NFIL3: variants seen among roughly 807,000 people sequenced by gnomAD.
NFIL3 encodes nuclear factor interleukin-3-regulated protein.
Under a neutral mutation model 10.0 loss-of-function variants are expected in NFIL3, and 5 were observed. The ratio of observed to expected loss-of-function variants is 0.50; its 90% CI spans 0.26 to 1.06. The LOEUF is 1.06. Ranked by LOEUF, NFIL3 falls within the 50% of genes least tolerant of loss-of-function variation. The pLI, the probability that NFIL3 is intolerant of heterozygous loss-of-function variation, is 0.13. For synonymous variants in NFIL3, 202 were observed against 206.5 expected (o/e 0.98, Z 0.19); for missense variants, 436 against 547.6 (o/e 0.80, Z 2.03).
the NFIL3 span, among the ~76,000 whole-genome samples, chr9:91,446,228 C>T: frequency 6.6e-6 from 1 of 152,166 alleles, no homozygotes; most frequent in Non-Finnish European, 1.5e-5. Flanking sequence ...GAGAAAGTCT[C>T]TCCTGGTTAT....
upstream of NFIL3, among the ~76,000 whole-genome samples, chr9:91,428,600 A>G (rs993225381): frequency 2.0e-5 from 3 of 152,248 alleles, no homozygotes; most frequent in African/African-American, 7.2e-5. Context: ...AATGTTTCCT[A>G]TTAAGCAGCT....
chr9:91,420,352 T>TATAC (rs1833737481), intron 1 of NFIL3, among the ~76,000 whole-genome samples: 1 of 144,394 alleles, frequency 6.9e-6, no homozygotes, highest in South Asian at 2.3e-4. Context: ...TGAAGGTAAA[T>TATAC]ACACACACAC....
the NFIL3 span, among the ~76,000 whole-genome samples, chr9:91,430,786 C>T: frequency 2.0e-5 from 3 of 152,222 alleles, no homozygotes; most frequent in East Asian, 5.8e-4. Flanking sequence ...GCTAGCACTA[C>T]AGGTGCATGC....
the NFIL3 span, among the ~76,000 whole-genome samples, chr9:91,436,324 T>C: frequency 6.6e-6 from 1 of 152,152 alleles, no homozygotes; most frequent in Non-Finnish European, 1.5e-5. Flanking sequence ...ACGCCTGTAA[T>C]CCCAGCACTT....
the NFIL3 span, among the ~76,000 whole-genome samples, chr9:91,432,080 C>A: frequency 6.6e-6 from 1 of 152,176 alleles, no homozygotes; most frequent in Non-Finnish European, 1.5e-5. Context: ...CTCACACAAG[C>A]ACAGAGGGCC....
chr9:91,421,231 C>A (rs1160240621), intron 1 of NFIL3, among the ~76,000 whole-genome samples: 2 of 140,994 alleles, frequency 1.4e-5, no homozygotes, highest in Non-Finnish European at 3.2e-5. Flanking sequence ...CTGCCCCGTG[C>A]GGGAGCCGGG....
chr9:91,415,520 C>T (rs973342228), intron 1 of NFIL3, among the ~76,000 whole-genome samples: 1 of 152,212 alleles, frequency 6.6e-6, no homozygotes. Flanking sequence ...GTCTCATTTA[C>T]ACACAGTTCT....
chr9:91,462,989 T>C, the NFIL3 span, among the ~76,000 whole-genome samples: 3 of 152,020 alleles, frequency 2.0e-5, no homozygotes, highest in African/African-American at 7.2e-5. Context: ...CAGAATTGTT[T>C]GAAATATTCT....
chr9:91,455,294 G>A, the NFIL3 span, among the ~76,000 whole-genome samples: 2 of 152,156 alleles, frequency 1.3e-5, no homozygotes, highest in African/African-American at 4.8e-5. Flanking sequence ...AAGTTTTGCT[G>A]TGGTGTTTGA....
At chr9:91,475,828 C>T in the NFIL3 span, among the ~76,000 whole-genome samples, 1 of 152,146 alleles carries the variant, frequency 6.6e-6, no homozygotes, top group Non-Finnish European at 1.5e-5. Context: ...ATGAATTTTC[C>T]AGTAAAATAT....
the NFIL3 span, among the ~76,000 whole-genome samples, chr9:91,465,235 A>G: frequency 4.6e-5 from 7 of 152,130 alleles, 1 homozygote; most frequent in South Asian, 2.1e-4. Flanking sequence ...TACACTGCCC[A>G]TTTTGATATT....
At chr9:91,438,707 A>G in the NFIL3 span, among the ~76,000 whole-genome samples, 3 of 152,120 alleles carry the variant, frequency 2.0e-5, no homozygotes, top group African/African-American at 7.2e-5. Context: ...ATAACAGTCC[A>G]ATTTCATTCT....
the NFIL3 span, among the ~76,000 whole-genome samples, chr9:91,458,835 G>T: frequency 6.6e-6 from 1 of 152,254 alleles, no homozygotes; most frequent in East Asian, 1.9e-4. Flanking sequence ...GGTATCACCT[G>T]AAGTTCTTGG....
In NFIL3 at chr9:91,419,788, G is replaced by C. The variant is rs1423527080; in HGVS notation, c.-173+3852C>G. On this transcript the variant is annotated intron_variant, in intron 1 of 1. Coordinates refer to ENST00000297689, the MANE Select transcript of NFIL3 (RefSeq NM_005384.3). ...CAACGATGCCTATCAGTTCCAGGCT[G>C]TTTTTGCTGCTCGTGACTCTTACTG... Among the ~76,000 whole-genome samples the C allele has an allele frequency of 6.6e-5, 10 of 152,338 alleles. No homozygotes were observed. In the East Asian group the frequency reaches 1.9e-3, roughly 29 times the overall value.
At chr9:91,439,483 T>C in the NFIL3 span, among the ~76,000 whole-genome samples, 165 of 148,320 alleles carry the variant, frequency 1.1e-3, no homozygotes, top group Non-Finnish European at 1.9e-3. Flanking sequence ...TTCTTTCCTT[T>C]CTAATTGCCT....
the NFIL3 span, among the ~76,000 whole-genome samples, chr9:91,447,365 G>A: frequency 6.6e-6 from 1 of 152,114 alleles, no homozygotes; most frequent in African/African-American, 2.4e-5. Context: ...GGAATTGCTG[G>A]TTCATATAGT....
the NFIL3 span, among the ~76,000 whole-genome samples, chr9:91,464,134 A>G: frequency 2.6e-5 from 4 of 152,040 alleles, no homozygotes; most frequent in East Asian, 5.8e-4. Context: ...TAGACCATGC[A>G]TGTTTAAAGT....
At chr9:91,439,476 T>C in the NFIL3 span, among the ~76,000 whole-genome samples, 1 of 148,158 alleles carries the variant, frequency 6.7e-6, no homozygotes, top group Non-Finnish European at 1.5e-5. Context: ...ATACTTTTTC[T>C]TTCCTTTCTA....
chr9:91,468,393 T>C, the NFIL3 span, among the ~76,000 whole-genome samples: 1 of 152,224 alleles, frequency 6.6e-6, no homozygotes, highest in Non-Finnish European at 1.5e-5. Flanking sequence ...TGTTTGTTTT[T>C]TTCTTGTAAA....
Sources: allele counts gnomAD v4.1 joint callset (sites outside exome capture counted in the v4.1 genomes callset), GRCh38; gene constraint gnomAD v4.1.1; transcripts MANE v1.5; gene names NCBI Gene and HGNC (gene_info 2026-07-23, HGNC 2026-07-21).